The following CELSR1 variants were observed in gnomAD, a reference collection of about 807,000 sequenced individuals.
CELSR1 encodes the protein cadherin EGF LAG seven-pass G-type receptor 1, also known as adhesion G protein-coupled receptor C1.
CELSR1 carries 110 observed loss-of-function variants against 249.1 expected under a neutral mutation model. That is an observed-to-expected ratio of 0.44 (90% CI 0.38 to 0.52). The LOEUF is 0.52. Ranked by LOEUF, CELSR1 falls within the 20% of genes least tolerant of loss-of-function variation. The pLI, the probability that CELSR1 is intolerant of heterozygous loss-of-function variation, is 0.00. For missense variants in CELSR1, 4,109 were observed against 4,296.4 expected, an observed-to-expected ratio of 0.96 and a Z score of 1.22; for synonymous variants, 2,113 against 1,900.0, an observed-to-expected ratio of 1.11 and a Z score of -2.92.
In CELSR1 at chr22:46,537,190, A is replaced by C. The variant is rs1759533763; in HGVS notation, c.-20T>G. 3 of 1,014,096 alleles carry C rather than the reference A, an allele frequency of 3.0e-6. No homozygotes were observed. Among genetic ancestry groups the C allele is most frequent in the Non-Finnish European group, 3.5e-6 (3 of 851,662 alleles). The allele number at this position is 1,014,096 out of a possible 1,614,324, so 62.8% of individuals were successfully genotyped here. A position where few individuals can be genotyped will look rare whatever the true frequency, so the allele number is the denominator to read the frequency against. ...CGCCATGGCCCGGAGCCCGAGCCCG[A>C]GCCGGGCGCCCGAACACAATCCATG... On this transcript the variant is annotated 5_prime_UTR_variant, in exon 1 of 35. Coordinates refer to ENST00000674500, the MANE Select transcript of CELSR1 (RefSeq NM_001378328.1). The surrounding 1 kb of genome is among the most constrained non-coding windows in gnomAD (Gnocchi z 5.8).
intron 12 of CELSR1, among the ~76,000 whole-genome samples, chr22:46,397,250 C>T (rs559015914): frequency 1.1e-4 from 16 of 145,360 alleles, no homozygotes; most frequent in Non-Finnish European, 2.0e-4. Context: ...ACTACAGATG[C>T]GTGCCACCAT....
In CELSR1 at chr22:46,454,090, C is replaced by T. The variant is rs8137521; in HGVS notation, c.4183+9617G>A. 0.028 allele frequency among the ~76,000 whole-genome samples: 4,219 copies of T among 152,096 alleles called. 183 individuals are homozygous for T. The highest frequency in any genetic ancestry group is 0.097 in the African/African-American group (4,017 of 41,464). ...AAGTCATCACAAGGCTCCTTGTAAG[C>T]GGTGGGAGGGTGAGGGGCAGAAGGT... On this transcript the variant is annotated intron_variant, in intron 2 of 34. Transcript: ENST00000674500. The surrounding 1 kb of genome is among the most constrained non-coding windows in gnomAD (Gnocchi z 5.1).
chr22:46,511,135 C>CACAA (rs1458410372), intron 1 of CELSR1, among the ~76,000 whole-genome samples: 6 of 151,856 alleles, frequency 4.0e-5, no homozygotes, highest in African/African-American at 1.5e-4. Flanking sequence ...CACACACACA[C>CACAA]ACATACACTC....
In CELSR1 at chr22:46,428,078, G is replaced by T. The variant is rs759328964; in HGVS notation, c.4611+5315C>A. Among the ~76,000 whole-genome samples the T allele has an allele frequency of 6.6e-6, 1 of 152,146 alleles. No homozygotes were observed. The highest frequency in any genetic ancestry group is 1.9e-4 in the East Asian group (1 of 5,182). ...ATCCCTAATGACAGCAGGACCTAGCGGTCATCTCAAGGTCATGGAAATCTC... is the reference window on the plus strand; with the variant it reads ...ATCCCTAATGACAGCAGGACCTAGCTGTCATCTCAAGGTCATGGAAATCTC... On this transcript the variant is annotated intron_variant, in intron 5 of 34. Coordinates refer to ENST00000674500, the MANE Select transcript of CELSR1 (RefSeq NM_001378328.1). This position sits in a 1 kb window ranked among gnomAD's most constrained non-coding sequence, Gnocchi z 5.7.
At chr22:46,531,039 C>T (rs953499056) in intron 1 of CELSR1, among the ~76,000 whole-genome samples, 3 of 152,180 alleles carry the variant, frequency 2.0e-5, no homozygotes, top group African/African-American at 4.8e-5. Flanking sequence ...ATAAAACCTC[C>T]AGATAATTCA....
chr22:46,385,096 T>C (rs892349507), intron 19 of CELSR1, among the ~76,000 whole-genome samples: 2 of 150,722 alleles, frequency 1.3e-5, no homozygotes, highest in Non-Finnish European at 3.0e-5. Flanking sequence ...CCAGCCTATT[T>C]ACTTATATTT....
intron 1 of CELSR1, among the ~76,000 whole-genome samples, chr22:46,525,989 C>T (rs1194050330): frequency 6.6e-6 from 1 of 152,242 alleles, no homozygotes; most frequent in African/African-American, 2.4e-5. Flanking sequence ...TTTCACCTGC[C>T]TGCTACTTCA....
intron 18 of CELSR1, among the ~76,000 whole-genome samples, chr22:46,387,089 C>A (rs897128832): frequency 6.6e-6 from 1 of 151,994 alleles, no homozygotes; most frequent in Non-Finnish European, 1.5e-5. Flanking sequence ...AAAAGTTTAT[C>A]TTAAGAGGAA....
chr22:46,445,670 G>T lies in CELSR1; in HGVS notation c.4184-6259C>A, dbSNP rs1180812401. 6.6e-6 allele frequency among the ~76,000 whole-genome samples: 1 copy of T among 152,182 alleles called. No homozygotes were observed. Among genetic ancestry groups the T allele is most frequent in the South Asian group, 2.1e-4 (1 of 4,824 alleles). ...GGGAGCCACTGCTGAATTCACTACA[G>T]TGGCCCTCCGTGTTTGTCCTGGAAT... is the stretch of plus-strand genomic sequence containing the variant. On this transcript the variant is annotated intron_variant, in intron 2 of 34. Transcript: ENST00000674500. The surrounding 1 kb of genome is among the most constrained non-coding windows in gnomAD (Gnocchi z 4.4).
Position 46,428,539 on chromosome 22 carries a change from A to C in CELSR1, c.4611+4854T>G, listed in dbSNP as rs1368113218. ...CCCAGTGGTTCTCATCCAGGGCATGACCTCAGGGGCCTGACAATGATGAAG... is the reference window on the plus strand; with the variant it reads ...CCCAGTGGTTCTCATCCAGGGCATGCCCTCAGGGGCCTGACAATGATGAAG... On this transcript the variant is annotated intron_variant, in intron 5 of 34. Coordinates refer to ENST00000674500, the MANE Select transcript of CELSR1 (RefSeq NM_001378328.1). The surrounding 1 kb of genome is among the most constrained non-coding windows in gnomAD (Gnocchi z 5.7). Among the ~76,000 whole-genome samples the C allele has an allele frequency of 6.6e-6, 1 of 152,168 alleles. No individual in the cohort carries two copies. The highest frequency in any genetic ancestry group is 1.5e-5 in the Non-Finnish European group (1 of 68,018).
intron 14 of CELSR1, among the ~76,000 whole-genome samples, chr22:46,392,500 G>C (rs917769037): frequency 6.6e-6 from 1 of 152,228 alleles, no homozygotes; most frequent in Non-Finnish European, 1.5e-5. Context: ...AATCACAGCT[G>C]GGAGGCGCAT....
In CELSR1 at chr22:46,429,865, C is replaced by T. The variant is rs759973475; in HGVS notation, c.4611+3528G>A. On this transcript the variant is annotated intron_variant, in intron 5 of 34. Transcript: ENST00000674500. This position sits in a 1 kb window ranked among gnomAD's most constrained non-coding sequence, Gnocchi z 4.1. ...CTAGGACTAAGGGCCATCGCAGCTC[C>T]GCTGGCACTGCCTCCAGCCCTGGGT... 8.5e-5 allele frequency among the ~76,000 whole-genome samples: 13 copies of T among 152,356 alleles called. No individual in the cohort carries two copies. The highest frequency in any genetic ancestry group is 1.2e-4 in the Non-Finnish European group (8 of 68,028).
rs1420925101 is a variant in CELSR1, at chr22:46,408,468, G to A, written c.5226+528C>T. Among the ~76,000 whole-genome samples, 2 of 152,182 alleles carry A rather than the reference G, an allele frequency of 1.3e-5. No homozygotes were observed. Among genetic ancestry groups the A allele is most frequent in the Non-Finnish European group, 2.9e-5 (2 of 68,018 alleles). ...TGCCTCAGCCTCCCAGGTAGCTGGG[G>A]TTACAGGCCCCCACTACCAAGCCTG... On this transcript the variant is annotated intron_variant, in intron 9 of 34. Transcript: ENST00000674500. This position sits in a 1 kb window ranked among gnomAD's most constrained non-coding sequence, Gnocchi z 4.6.
intron 1 of CELSR1, chr22:46,481,770 G>T: frequency 1.0e-5 from 4 of 401,454 alleles, no homozygotes; most frequent in South Asian, 8.2e-5. Flanking sequence ...CCAGTTATTT[G>T]AACTTTTCTA....
intron 1 of CELSR1, among the ~76,000 whole-genome samples, chr22:46,532,309 T>G (rs2080799861): frequency 1.3e-5 from 2 of 152,378 alleles, no homozygotes; most frequent in South Asian, 4.1e-4. Flanking sequence ...TAATTCGCCC[T>G]TAAGGGCCTA....
intron 2 of CELSR1, among the ~76,000 whole-genome samples, chr22:46,442,341 T>C (rs1406756350): frequency 6.6e-6 from 1 of 152,186 alleles, no homozygotes; most frequent in Non-Finnish European, 1.5e-5. Context: ...CATCCAGCAA[T>C]GGGTCAGGGT....
At chr22:46,438,619 C>T (rs2079696293) in intron 3 of CELSR1, among the ~76,000 whole-genome samples, 1 of 152,214 alleles carries the variant, frequency 6.6e-6, no homozygotes, top group Non-Finnish European at 1.5e-5. Context: ...AGCAGCGTAA[C>T]ATTCCCTTGT....
At chr22:46,523,313 G>A (rs571518401) in intron 1 of CELSR1, among the ~76,000 whole-genome samples, 4 of 152,310 alleles carry the variant, frequency 2.6e-5, no homozygotes, top group African/African-American at 9.6e-5. Flanking sequence ...CGGTTCAGCT[G>A]AGGTCAGGAG....
chr22:46,498,649 G>A (rs2080438586), intron 1 of CELSR1, among the ~76,000 whole-genome samples: 1 of 151,854 alleles, frequency 6.6e-6, no homozygotes, highest in South Asian at 2.1e-4. Context: ...CAACACTCCG[G>A]TGGTATGGGA....
Sources: allele counts gnomAD v4.1 joint callset (sites outside exome capture counted in the v4.1 genomes callset), GRCh38; gene constraint gnomAD v4.1.1; non-coding constraint Gnocchi (gnomAD v3.1); transcripts MANE v1.5; gene names NCBI Gene and HGNC (gene_info 2026-07-23, HGNC 2026-07-21).